Variants in PTPRD observed in about 807,000 individuals in gnomAD.
The protein encoded by PTPRD is protein tyrosine phosphatase receptor type D.
PTPRD carries 34 observed loss-of-function variants against 214.5 expected under a neutral mutation model. The ratio of observed to expected loss-of-function variants is 0.16; its 90% CI spans 0.12 to 0.21. PTPRD has a LOEUF of 0.21. Among genes scored for constraint, PTPRD ranks in the 10% least tolerant of loss-of-function variants. PTPRD has a pLI of 1.00. For synonymous variants in PTPRD, 1,128 were observed against 845.7 expected (o/e 1.33, Z -5.79); for missense variants, 2,545 against 2,398.7 (o/e 1.06, Z -1.27).
chr9:9,538,821 T>C (rs2077011161), intron 8 of PTPRD, among the ~76,000 whole-genome samples: 1 of 151,950 alleles, frequency 6.6e-6, no homozygotes, highest in African/African-American at 2.4e-5. Flanking sequence ...GAACTGAACC[T>C]ACATTCAAAT....
At chr9:8,419,500 T>A (rs753131172) in intron 35 of PTPRD, among the ~76,000 whole-genome samples, 18 of 152,024 alleles carry the variant, frequency 1.2e-4, no homozygotes, top group Non-Finnish European at 2.4e-4. Context: ...ACAATATGGG[T>A]AAAGTAACAA....
chr9:8,882,942 G>A (rs1012704234), intron 11 of PTPRD, among the ~76,000 whole-genome samples: 4 of 149,980 alleles, frequency 2.7e-5, no homozygotes, highest in South Asian at 2.1e-4. Context: ...AGTAATAGGC[G>A]CTATTAATGG....
chr9:8,564,346 G>A (rs541241048), intron 14 of PTPRD, among the ~76,000 whole-genome samples: 3 of 152,074 alleles, frequency 2.0e-5, no homozygotes, highest in African/African-American at 7.2e-5. Flanking sequence ...AAATCATGAT[G>A]CATCTGTATA....
chr9:8,521,267 T>C lies in PTPRD; in HGVS notation c.961+10A>G, dbSNP rs372948954. ...ACCCAGATCCTCAAAGCATAATCCA[T>C]TGAGCATACCTTTGACAGTGATCTG... On this transcript the variant is annotated intron_variant, in intron 20 of 45. Coordinates refer to ENST00000381196, the MANE Select transcript of PTPRD (RefSeq NM_002839.4). 1.3e-5 allele frequency: 21 copies of C among 1,605,542 alleles called. No homozygotes were observed. The African/African-American group carries it at 1.7e-4, about 13-fold the overall frequency.
intron 8 of PTPRD, among the ~76,000 whole-genome samples, chr9:9,481,729 A>G (rs1335897101): frequency 1.3e-5 from 2 of 152,108 alleles, no homozygotes. Context: ...GCTGGCGTTC[A>G]GTTCTATTCT....
intron 12 of PTPRD, among the ~76,000 whole-genome samples, chr9:8,658,449 G>C (rs2096958593): frequency 6.6e-6 from 1 of 152,206 alleles, no homozygotes. Flanking sequence ...AGGACATATT[G>C]AGAGCTTCAA....
chr9:8,548,695 T>C (rs1210401696), intron 14 of PTPRD, among the ~76,000 whole-genome samples: 17 of 130,886 alleles, frequency 1.3e-4, no homozygotes, highest in African/African-American at 4.8e-4. Context: ...TTTTTTTTTT[T>C]TTTTTTTTTT....
At chr9:8,897,086 C>G (rs141788203) in intron 11 of PTPRD, among the ~76,000 whole-genome samples, 17 of 152,238 alleles carry the variant, frequency 1.1e-4, no homozygotes, top group African/African-American at 3.9e-4. Context: ...TGCTGATGAT[C>G]ATTTTCATTA....
chr9:8,937,984 T>C (rs1468065406), intron 11 of PTPRD, among the ~76,000 whole-genome samples: 1 of 152,172 alleles, frequency 6.6e-6, no homozygotes, highest in Non-Finnish European at 1.5e-5. Context: ...AGAAAATAAA[T>C]ACAATTTAGT....
intron 4 of PTPRD, among the ~76,000 whole-genome samples, chr9:9,977,635 CCATGAGTACGACTGACGAGGA>C (rs2095405164): frequency 6.6e-6 from 1 of 152,026 alleles, no homozygotes; most frequent in African/African-American, 2.4e-5. Flanking sequence ...ATAAAAATTG[CCATGAGTACGACTGACGAGGA>C]CATATCAATT....
intron 12 of PTPRD, among the ~76,000 whole-genome samples, chr9:8,709,514 CAAAAA>C (rs758112672): frequency 3.6e-5 from 2 of 56,314 alleles, no homozygotes; most frequent in Admixed American, 2.0e-4. Context: ...GACTCCATCT[CAAAAA>C]AAAAAAAAAA....
At chr9:9,818,621 C>G (rs1476017439) in intron 5 of PTPRD, among the ~76,000 whole-genome samples, 1 of 151,840 alleles carries the variant, frequency 6.6e-6, no homozygotes, top group East Asian at 1.9e-4. Context: ...CATTATTATT[C>G]CAGTAAAGAA....
chr9:9,547,088 ACT>A (rs1245096865), intron 8 of PTPRD, among the ~76,000 whole-genome samples: 1 of 152,020 alleles, frequency 6.6e-6, no homozygotes, highest in Non-Finnish European at 1.5e-5. Context: ...TATCACAAAG[ACT>A]CTACAAAAAC....
intron 2 of PTPRD, among the ~76,000 whole-genome samples, chr9:10,368,340 A>T (rs1287682389): frequency 6.6e-6 from 1 of 152,154 alleles, no homozygotes; most frequent in Non-Finnish European, 1.5e-5. Flanking sequence ...ATCTAATGAA[A>T]GACTTAGAAA....
chr9:8,985,907 T>C (rs1326628435), intron 11 of PTPRD, among the ~76,000 whole-genome samples: 3 of 152,102 alleles, frequency 2.0e-5, no homozygotes, highest in East Asian at 1.9e-4. Context: ...ACAAAATTAC[T>C]TTTCTTCTTT....
chr9:9,947,493 A>ATATATTT (rs1204742032), intron 4 of PTPRD, among the ~76,000 whole-genome samples: 42 of 32,660 alleles, frequency 1.3e-3, no homozygotes, highest in East Asian at 0.011. Context: ...TATATATATT[A>ATATATTT]TATATATTTT....
At chr9:9,570,532 A>T (rs2086040510) in intron 8 of PTPRD, among the ~76,000 whole-genome samples, 1 of 151,554 alleles carries the variant, frequency 6.6e-6, no homozygotes, top group Non-Finnish European at 1.5e-5. Context: ...TTATTTCTAT[A>T]ACTTATGCTC....
intron 39 of PTPRD, among the ~76,000 whole-genome samples, chr9:8,371,281 T>C (rs796588123): frequency 1.1e-3 from 167 of 152,186 alleles, no homozygotes; most frequent in African/African-American, 3.9e-3. Context: ...AGTCCAGCCT[T>C]GAAACTCTTA....
At chr9:8,378,114 CAAACAA>C (rs2083815028) in intron 37 of PTPRD, among the ~76,000 whole-genome samples, 1 of 151,970 alleles carries the variant, frequency 6.6e-6, no homozygotes, top group African/African-American at 2.4e-5. Flanking sequence ...TTGATGAAAA[CAAACAA>C]AAATTGTCCA....
Sources: allele counts gnomAD v4.1 joint callset (sites outside exome capture counted in the v4.1 genomes callset), GRCh38; gene constraint gnomAD v4.1.1; transcripts MANE v1.5; gene names NCBI Gene and HGNC (gene_info 2026-07-23, HGNC 2026-07-21).